The following LOC128092252 variants were observed in gnomAD, a reference collection of about 807,000 sequenced individuals.
At chr15:50,673,366 T>C in the LOC128092252 span, among the ~76,000 whole-genome samples, 13 of 152,200 alleles carry the variant, frequency 8.5e-5, no homozygotes, top group African/African-American at 1.9e-4. Context: ...GGTGCACCCA[T>C]TGCCCGACCG....
chr15:50,666,495 C>CGAAGAG, the LOC128092252 span, among the ~76,000 whole-genome samples: 2 of 151,350 alleles, frequency 1.3e-5, no homozygotes, highest in Non-Finnish European at 2.9e-5. Flanking sequence ...AAGAAGAAAA[C>CGAAGAG]GAAGAGGAAG....
the LOC128092252 span, chr15:50,648,984 A>C: frequency 1.2e-6 from 1 of 811,426 alleles, no homozygotes; most frequent in Non-Finnish European, 1.8e-6. Context: ...AAGCTTTAAA[A>C]TTTTTATATT....
the LOC128092252 span, among the ~76,000 whole-genome samples, chr15:50,670,390 C>T: frequency 1.3e-5 from 2 of 151,974 alleles, no homozygotes; most frequent in African/African-American, 2.4e-5. Flanking sequence ...AAGATATAGG[C>T]CATAAAGACT....
the LOC128092252 span, among the ~76,000 whole-genome samples, chr15:50,673,525 G>C: frequency 2.0e-5 from 3 of 151,994 alleles, no homozygotes; most frequent in African/African-American, 7.3e-5. Flanking sequence ...ATGATGTTTG[G>C]TTTTCCATTC....
the LOC128092252 span, among the ~76,000 whole-genome samples, chr15:50,679,539 T>TATATATGTGTATATATATAATATATATA: frequency 4.5e-5 from 1 of 22,306 alleles, no homozygotes; most frequent in African/African-American, 2.1e-4. Context: ...TATATATATA[T>TATATATGTGTATATATATAATATATATA]TTTTTTTTTT....
At chr15:50,680,916 G>T in the LOC128092252 span, among the ~76,000 whole-genome samples, 1 of 152,078 alleles carries the variant, frequency 6.6e-6, no homozygotes, top group Non-Finnish European at 1.5e-5. Flanking sequence ...TATAAATAAT[G>T]GAGAAAACAG....
At chr15:50,658,729 A>T in the LOC128092252 span, among the ~76,000 whole-genome samples, 1 of 152,270 alleles carries the variant, frequency 6.6e-6, no homozygotes, top group Non-Finnish European at 1.5e-5. Context: ...CAGTTCTAAA[A>T]GCATAGGCTA....
At chr15:50,660,883 T>C in the LOC128092252 span, among the ~76,000 whole-genome samples, 1 of 152,168 alleles carries the variant, frequency 6.6e-6, no homozygotes, top group Non-Finnish European at 1.5e-5. Flanking sequence ...AATTAAATTT[T>C]AAATGGCTAA....
chr15:50,673,982 A>C, the LOC128092252 span, among the ~76,000 whole-genome samples: 1 of 151,860 alleles, frequency 6.6e-6, no homozygotes, highest in Non-Finnish European at 1.5e-5. Context: ...GTATTATTGC[A>C]TTCTGGTTTT....
chr15:50,664,246 G>C, the LOC128092252 span, among the ~76,000 whole-genome samples: 7 of 148,396 alleles, frequency 4.7e-5, no homozygotes, highest in East Asian at 1.4e-3. Context: ...GGAGTCGGAG[G>C]TTGCAGTGAG....
At chr15:50,677,759 A>C in the LOC128092252 span, among the ~76,000 whole-genome samples, 1 of 149,430 alleles carries the variant, frequency 6.7e-6, no homozygotes, top group Non-Finnish European at 1.5e-5. Context: ...AAAAAAAAAA[A>C]ACAAAAGGTA....
the LOC128092252 span, among the ~76,000 whole-genome samples, chr15:50,668,754 T>G: frequency 1.7e-4 from 26 of 152,304 alleles, no homozygotes; most frequent in East Asian, 4.4e-3. Flanking sequence ...GTGATTCACC[T>G]GCCCCAGCCT....
At chr15:50,667,562 C>G in the LOC128092252 span, among the ~76,000 whole-genome samples, 1 of 152,150 alleles carries the variant, frequency 6.6e-6, no homozygotes, top group African/African-American at 2.4e-5. Flanking sequence ...AAAAAATTAG[C>G]TGGGAATGGT....
chr15:50,650,077 C>T, the LOC128092252 span, among the ~76,000 whole-genome samples: 2 of 151,142 alleles, frequency 1.3e-5, no homozygotes, highest in Non-Finnish European at 2.9e-5. Flanking sequence ...CCTGTAATCC[C>T]AGCTACTCAG....
At chr15:50,663,938 G>C in the LOC128092252 span, among the ~76,000 whole-genome samples, 1 of 151,988 alleles carries the variant, frequency 6.6e-6, no homozygotes, top group Non-Finnish European at 1.5e-5. Flanking sequence ...ACTCCAGCCT[G>C]AGTGAAAGAG....
At chr15:50,682,899 CTT>C in the LOC128092252 span, among the ~76,000 whole-genome samples, 13 of 143,202 alleles carry the variant, frequency 9.1e-5, no homozygotes, top group Admixed American at 1.4e-4. Flanking sequence ...CGGTACCAAA[CTT>C]TTTTTTTTTT....
At chr15:50,658,383 G>A in the LOC128092252 span, among the ~76,000 whole-genome samples, 2 of 151,674 alleles carry the variant, frequency 1.3e-5, no homozygotes, top group Non-Finnish European at 2.9e-5. Context: ...GATCAGCCTG[G>A]GCAACAAAGC....
the LOC128092252 span, among the ~76,000 whole-genome samples, chr15:50,658,702 C>G: frequency 6.6e-6 from 1 of 152,096 alleles, no homozygotes; most frequent in Non-Finnish European, 1.5e-5. Flanking sequence ...AAAACGTTGA[C>G]TCTCACACAC....
the LOC128092252 span, among the ~76,000 whole-genome samples, chr15:50,651,730 A>T: frequency 1.3e-5 from 2 of 152,000 alleles, no homozygotes; most frequent in Non-Finnish European, 2.9e-5. Context: ...CTCTACTAAA[A>T]ATATAAAAAA....
Sources: allele counts gnomAD v4.1 joint callset (sites outside exome capture counted in the v4.1 genomes callset), GRCh38; gene constraint gnomAD v4.1.1; transcripts MANE v1.5.